Variants in ANKRD11 observed in about 807,000 individuals in gnomAD.
The protein encoded by ANKRD11 is ankyrin repeat domain-containing protein 11.
ANKRD11 carries 17 observed loss-of-function variants against 195.7 expected under a neutral mutation model. The ratio of observed to expected loss-of-function variants is 0.09; its 90% CI spans 0.06 to 0.13. The LOEUF is 0.13. Ranked by LOEUF, ANKRD11 falls within the 10% of genes least tolerant of loss-of-function variation. ANKRD11 has a pLI of 1.00. For synonymous variants in ANKRD11, 1,953 were observed against 1,528.1 expected (o/e 1.28, Z -6.49); for missense variants, 3,735 against 3,566.1 (o/e 1.05, Z -1.21).
chr16:89,455,516 T>G (rs1036329135), intron 1 of ANKRD11, among the ~76,000 whole-genome samples: 2 of 152,066 alleles, frequency 1.3e-5, no homozygotes, highest in African/African-American at 4.8e-5. Context: ...GCCCCAAAAC[T>G]CACTCCTTCC....
chr16:89,362,954 T>A (rs147816553), intron 2 of ANKRD11, among the ~76,000 whole-genome samples: 4,547 of 151,816 alleles, frequency 0.03, 204 homozygotes, highest in African/African-American at 0.1. Flanking sequence ...ACACAGCAGT[T>A]GGTATAAAAA....
At chr16:89,289,943 T>C (rs2034914402) in intron 6 of ANKRD11, among the ~76,000 whole-genome samples, 2 of 152,172 alleles carry the variant, frequency 1.3e-5, no homozygotes, top group South Asian at 4.1e-4. Flanking sequence ...GTTGGGAACA[T>C]CGCTTGAGCC....
chr16:89,436,860 T>A (rs1338579147), intron 1 of ANKRD11, among the ~76,000 whole-genome samples: 1 of 152,242 alleles, frequency 6.6e-6, no homozygotes, highest in African/African-American at 2.4e-5. Flanking sequence ...GCCGAAGCTT[T>A]GTGTTTTGCT....
At chr16:89,289,648 A>T (rs1219623948) in intron 6 of ANKRD11, among the ~76,000 whole-genome samples, 1 of 152,108 alleles carries the variant, frequency 6.6e-6, no homozygotes, top group Non-Finnish European at 1.5e-5. Flanking sequence ...TCTGCTGGAG[A>T]ATGCAGCCAT....
chr16:89,371,078 G>A (rs569963081), intron 2 of ANKRD11, among the ~76,000 whole-genome samples: 30 of 152,256 alleles, frequency 2.0e-4, no homozygotes, highest in African/African-American at 6.3e-4. Flanking sequence ...GGTGAGAAAC[G>A]TTCAACTGCG....
At chr16:89,286,663 T>C (rs2034670543) in intron 7 of ANKRD11, 1 of 1,230,734 alleles carries the variant, frequency 8.1e-7, no homozygotes, top group South Asian at 1.4e-5. Flanking sequence ...AGACCAAGTT[T>C]CTGCAAGCTG....
intron 1 of ANKRD11, among the ~76,000 whole-genome samples, chr16:89,433,423 T>A (rs1219905564): frequency 6.6e-6 from 1 of 152,230 alleles, no homozygotes; most frequent in Non-Finnish European, 1.5e-5. Flanking sequence ...TCAGACTCCT[T>A]TTTCTTTGCA....
Position 89,285,983 on chromosome 16 carries a change from G to A in ANKRD11, c.892+56C>T. ...GGCAACACTGTGCAAACACCACAGG[G>A]CAGCTCCTACCATCCCTGCATAAAA... On this transcript the variant is annotated intron_variant, in intron 8 of 12. Coordinates refer to ENST00000301030, the MANE Select transcript of ANKRD11 (RefSeq NM_013275.6). The surrounding 1 kb of genome is among the most constrained non-coding windows in gnomAD (Gnocchi z 5.6). The A allele has an allele frequency of 6.2e-7, 1 of 1,612,720 alleles. No homozygotes were observed. Among genetic ancestry groups the A allele is most frequent in the Non-Finnish European group, 8.5e-7 (1 of 1,179,496 alleles).
At chr16:89,405,760 C>A (rs1402177732) in intron 2 of ANKRD11, among the ~76,000 whole-genome samples, 1 of 152,132 alleles carries the variant, frequency 6.6e-6, no homozygotes, top group African/African-American at 2.4e-5. Flanking sequence ...TCCAGCCAGA[C>A]CCTGGGGCTT....
chr16:89,458,200 C>G lies in ANKRD11; in HGVS notation c.-145+32045G>C, dbSNP rs559896200. ...AACATAAACTCCTGTTCTTGTTGTA[C>G]TTTAGCACTTGCTTTACGTAATTTC... is the stretch of plus-strand genomic sequence containing the variant. On this transcript the variant is annotated intron_variant, in intron 1 of 12. Coordinates refer to ENST00000301030, the MANE Select transcript of ANKRD11 (RefSeq NM_013275.6). 3.9e-5 allele frequency among the ~76,000 whole-genome samples: 6 copies of G among 152,008 alleles called. No individual in the cohort carries two copies. The South Asian group carries it at 1.2e-3, about 31-fold the overall frequency.
In ANKRD11 at chr16:89,409,760, G is replaced by C. The variant is rs192249893; in HGVS notation, c.-60+8524C>G. Among the ~76,000 whole-genome samples the C allele has an allele frequency of 2.8e-3, 419 of 152,240 alleles. 3 individuals are homozygous for C. The highest frequency in any genetic ancestry group is 9.7e-3 in the African/African-American group (402 of 41,522). On this transcript the variant is annotated intron_variant, in intron 2 of 12. Coordinates refer to ENST00000301030, the MANE Select transcript of ANKRD11 (RefSeq NM_013275.6). ...GGCCAAAATATCCTGGCATTTTATA[G>C]GATTTCTTTAACAAAATCTGATCAC...
At chr16:89,362,270 G>A (rs1238779365) in intron 2 of ANKRD11, among the ~76,000 whole-genome samples, 2 of 152,238 alleles carry the variant, frequency 1.3e-5, no homozygotes, top group Non-Finnish European at 2.9e-5. Context: ...CTCAGCGTAA[G>A]CAGCTCCCAC....
At position 89,288,618 on chromosome 16, in the gene ANKRD11, C is replaced by T; in HGVS notation, c.654G>A (p.Lys218=). 1.2e-6 allele frequency: 2 copies of T among 1,614,132 alleles called. No homozygotes were observed. Among genetic ancestry groups the T allele is most frequent in the Non-Finnish European group, 1.7e-6 (2 of 1,180,044 alleles). The change falls in exon 7 of 13, where the codon AAG becomes AAA. Residue 218 remains lysine (K), a synonymous_variant. Coordinates refer to ENST00000301030, the MANE Select transcript of ANKRD11 (RefSeq NM_013275.6). ...CCTCCGCACCTGCAGCCAGCAGCTG[C>T]TTCGCGACGTCGTAGTAGCCCCGGT... ...ACNRGYYDVA[K]QLLAAGAEVN... is the part of the protein sequence containing the mutation.
At chr16:89,489,337 G>A (rs1227172461) in intron 1 of ANKRD11, 1 of 152,360 alleles carries the variant, frequency 6.6e-6, no homozygotes, top group African/African-American at 2.4e-5. Context: ...GTCTCACATT[G>A]TTCCTTGAGG....
At chr16:89,384,537 AC>A (rs1361692100) in intron 2 of ANKRD11, among the ~76,000 whole-genome samples, 2 of 90,224 alleles carry the variant, frequency 2.2e-5, no homozygotes, top group Non-Finnish European at 4.8e-5. Flanking sequence ...ATGGGATGGG[AC>A]TGGGATGGGA....
At chr16:89,327,830 A>C (rs2037815649) in intron 2 of ANKRD11, among the ~76,000 whole-genome samples, 1 of 152,224 alleles carries the variant, frequency 6.6e-6, no homozygotes, top group South Asian at 2.1e-4. Flanking sequence ...ACCTAGGGCC[A>C]AGAGTTGTCA....
At chr16:89,387,722 G>A (rs2040984251) in intron 2 of ANKRD11, among the ~76,000 whole-genome samples, 1 of 149,200 alleles carries the variant, frequency 6.7e-6, no homozygotes. Flanking sequence ...ACTGTGCTTG[G>A]CCGGGCACGG....
At chr16:89,317,596 C>A (rs1388439911) in intron 2 of ANKRD11, among the ~76,000 whole-genome samples, 1 of 152,154 alleles carries the variant, frequency 6.6e-6, no homozygotes, top group Non-Finnish European at 1.5e-5. Context: ...TTTGCACACC[C>A]AGTTCCCTAA....
At chr16:89,357,188 C>T (rs371759812) in intron 2 of ANKRD11, among the ~76,000 whole-genome samples, 52 of 152,306 alleles carry the variant, frequency 3.4e-4, no homozygotes, top group African/African-American at 1.2e-3. Context: ...AACACACCTT[C>T]GAAGATGAGT....
Sources: allele counts gnomAD v4.1 joint callset (sites outside exome capture counted in the v4.1 genomes callset), GRCh38; gene constraint gnomAD v4.1.1; non-coding constraint Gnocchi (gnomAD v3.1); transcripts MANE v1.5; gene names NCBI Gene and HGNC (gene_info 2026-07-23, HGNC 2026-07-21).